Variants in RALYL observed in about 807,000 individuals in gnomAD.
RALYL encodes RALY RNA binding protein like.
Under a neutral mutation model 35.1 loss-of-function variants are expected in RALYL, and 29 were observed. That is an observed-to-expected ratio of 0.83 (90% CI 0.61 to 1.13). The LOEUF (loss-of-function observed/expected upper bound fraction) is 1.13. RALYL is among the 50% of genes most tolerant of loss of function. The probability of loss-of-function intolerance (pLI) is 0.00; values close to 1 mark genes in which losing one functional copy is unlikely to be tolerated. For missense variants in RALYL, 359 were observed against 360.4 expected (o/e 1.00, Z 0.03); for synonymous variants, 120 against 127.6 (o/e 0.94, Z 0.40).
chr8:84,455,163 G>A (rs1171331917), intron 1 of RALYL, among the ~76,000 whole-genome samples: 1 of 151,994 alleles, frequency 6.6e-6, no homozygotes, highest in Non-Finnish European at 1.5e-5. Context: ...CTCTGGCTGA[G>A]TTCATCGGTC....
intron 2 of RALYL, among the ~76,000 whole-genome samples, chr8:84,650,864 C>A (rs1484758832): frequency 6.6e-6 from 1 of 152,040 alleles, no homozygotes; most frequent in Non-Finnish European, 1.5e-5. Flanking sequence ...AAATGTGGCA[C>A]ATATACACCA....
At chr8:84,405,006 C>T (rs561622203) in intron 1 of RALYL, among the ~76,000 whole-genome samples, 13 of 152,230 alleles carry the variant, frequency 8.5e-5, no homozygotes, top group African/African-American at 2.6e-4. Context: ...AAGATCATAA[C>T]AAACAGACTG....
intron 1 of RALYL, among the ~76,000 whole-genome samples, chr8:84,403,941 A>G (rs1332841081): frequency 6.6e-6 from 1 of 152,056 alleles, no homozygotes; most frequent in Non-Finnish European, 1.5e-5. Context: ...CTTTGTAGCA[A>G]TTGTGAATGG....
chr8:84,534,558 A>G (rs1270765151), intron 2 of RALYL, among the ~76,000 whole-genome samples: 1 of 152,204 alleles, frequency 6.6e-6, no homozygotes, highest in Non-Finnish European at 1.5e-5. Context: ...TAACACTTCC[A>G]TGGCAAATGC....
chr8:84,380,272 A>T (rs1438403407), intron 1 of RALYL, among the ~76,000 whole-genome samples: 1 of 151,894 alleles, frequency 6.6e-6, no homozygotes, highest in Non-Finnish European at 1.5e-5. Flanking sequence ...CATCCAATCC[A>T]TTATTGAGGC....
chr8:84,861,295 T>C (rs1361751003), intron 5 of RALYL, among the ~76,000 whole-genome samples: 1 of 152,180 alleles, frequency 6.6e-6, no homozygotes, highest in Non-Finnish European at 1.5e-5. Context: ...AGGAAATGTA[T>C]CCCAGTATTT....
At chr8:84,480,473 GT>G (rs2053928304) in intron 1 of RALYL, among the ~76,000 whole-genome samples, 1 of 152,124 alleles carries the variant, frequency 6.6e-6, no homozygotes, top group Admixed American at 6.5e-5. Flanking sequence ...CTTAATGAGT[GT>G]TTTTGGTTTT....
intron 2 of RALYL, among the ~76,000 whole-genome samples, chr8:84,535,135 CACA>C (rs373672466): frequency 8.3e-4 from 127 of 152,210 alleles, no homozygotes; most frequent in African/African-American, 3.0e-3. Context: ...CTTTGATTTT[CACA>C]ACAATGCCAA....
intron 1 of RALYL, among the ~76,000 whole-genome samples, chr8:84,336,037 C>G (rs1047536638): frequency 6.6e-6 from 1 of 152,058 alleles, no homozygotes; most frequent in African/African-American, 2.4e-5. Context: ...ATATGGCATA[C>G]GTGGATATTC....
intron 1 of RALYL, among the ~76,000 whole-genome samples, chr8:84,208,137 T>C (rs904300503): frequency 1.3e-5 from 2 of 152,142 alleles, no homozygotes; most frequent in Non-Finnish European, 2.9e-5. Context: ...CGGATTATGA[T>C]ACTCTATAAG....
chr8:84,834,192 A>C (rs1831488787), intron 4 of RALYL, among the ~76,000 whole-genome samples: 1 of 152,236 alleles, frequency 6.6e-6, no homozygotes, highest in African/African-American at 2.4e-5. Context: ...TGGAATATAA[A>C]AACACAAAAC....
intron 1 of RALYL, among the ~76,000 whole-genome samples, chr8:84,286,492 A>T (rs370975412): frequency 9.8e-5 from 15 of 152,314 alleles, no homozygotes; most frequent in South Asian, 2.1e-4. Context: ...TCACATGAGG[A>T]TTGCAGCAAG....
intron 1 of RALYL, among the ~76,000 whole-genome samples, chr8:84,366,943 T>C (rs1277115749): frequency 6.6e-6 from 1 of 151,760 alleles, no homozygotes; most frequent in Non-Finnish European, 1.5e-5. Context: ...TAGTAGGAAA[T>C]AGCCTCTATA....
At chr8:84,742,807 C>T (rs1016294606) in intron 2 of RALYL, among the ~76,000 whole-genome samples, 4 of 151,930 alleles carry the variant, frequency 2.6e-5, no homozygotes, top group Non-Finnish European at 4.4e-5. Context: ...TCAAGCAGTC[C>T]GGTTATGTTA....
intron 1 of RALYL, among the ~76,000 whole-genome samples, chr8:84,268,887 G>C (rs1833801128): frequency 6.6e-6 from 1 of 152,142 alleles, no homozygotes; most frequent in Admixed American, 6.5e-5. Context: ...ATATGAGAAA[G>C]AATTTTAAAA....
At chr8:84,713,227 A>G (rs1338358932) in intron 2 of RALYL, among the ~76,000 whole-genome samples, 3 of 151,960 alleles carry the variant, frequency 2.0e-5, no homozygotes, top group Non-Finnish European at 1.5e-5. Flanking sequence ...TCCCTATTAT[A>G]TGTTCTTGGC....
At chr8:84,693,195 G>T (rs1254450410) in intron 2 of RALYL, among the ~76,000 whole-genome samples, 1 of 151,950 alleles carries the variant, frequency 6.6e-6, no homozygotes, top group Non-Finnish European at 1.5e-5. Flanking sequence ...GGGGATAAAT[G>T]TATTAGCCCA....
chr8:84,854,205 G>T (rs1346123538), intron 5 of RALYL, among the ~76,000 whole-genome samples: 1 of 151,988 alleles, frequency 6.6e-6, no homozygotes, highest in Middle Eastern at 3.2e-3. Flanking sequence ...AATTAGCCAG[G>T]TCTGGTGGTG....
chr8:84,686,507 C>A (rs1261836147), intron 2 of RALYL, among the ~76,000 whole-genome samples: 1 of 152,134 alleles, frequency 6.6e-6, no homozygotes, highest in African/African-American at 2.4e-5. Context: ...CGGGTTCAAG[C>A]AATTCTCCTG....
Sources: allele counts gnomAD v4.1 joint callset (sites outside exome capture counted in the v4.1 genomes callset), GRCh38; gene constraint gnomAD v4.1.1; transcripts MANE v1.5; gene names NCBI Gene and HGNC (gene_info 2026-07-23, HGNC 2026-07-21).